Variants in SOX5 observed in about 807,000 individuals in gnomAD.
SOX5 encodes transcription factor SOX-5.
In SOX5, 9 loss-of-function variants were observed where a neutral mutation model predicts 92.0. The observed-to-expected ratio is 0.10, with a 90% CI of 0.06 to 0.17. SOX5 has a LOEUF of 0.17. Ranked by LOEUF, SOX5 falls within the 10% of genes least tolerant of loss-of-function variation. The probability of loss-of-function intolerance (pLI) is 1.00; values close to 1 mark genes in which losing one functional copy is unlikely to be tolerated. For missense variants in SOX5, 642 were observed against 944.5 expected, an observed-to-expected ratio of 0.68 and a Z score of 4.20; for synonymous variants, 344 against 336.3, an observed-to-expected ratio of 1.02 and a Z score of -0.25.
At position 23,731,129 on chromosome 12, in the gene SOX5, G is replaced by T. The variant is rs533147025; in HGVS notation, c.810+3555C>A. Among the ~76,000 whole-genome samples, 4 of 152,284 alleles carry T rather than the reference G, an allele frequency of 2.6e-5. No homozygotes were observed. In the South Asian group the frequency reaches 6.2e-4, roughly 24 times the overall value. ...TTCTGTCCTTAGACATCAACTTCAGGCCCCTCATCTTTGTACTCCAGGACT... is the reference window on the plus strand; with the variant it reads ...TTCTGTCCTTAGACATCAACTTCAGTCCCCTCATCTTTGTACTCCAGGACT... On this transcript the variant is annotated intron_variant, in intron 6 of 14. Coordinates refer to ENST00000451604, the MANE Select transcript of SOX5 (RefSeq NM_006940.6).
chr12:24,253,388 T>C (rs1045961733), intron 3 of SOX5, among the ~76,000 whole-genome samples: 11 of 152,056 alleles, frequency 7.2e-5, no homozygotes, highest in Non-Finnish European at 1.5e-4. Flanking sequence ...GGATCTTATC[T>C]AGAAAATGAA....
intron 4 of SOX5, among the ~76,000 whole-genome samples, chr12:24,088,016 A>G (rs1462678638): frequency 1.3e-5 from 2 of 152,060 alleles, no homozygotes; most frequent in Non-Finnish European, 2.9e-5. Flanking sequence ...GAAATGGGCC[A>G]AAAAGCAGGA....
chr12:23,817,155 A>C (rs1004140204), intron 3 of SOX5, among the ~76,000 whole-genome samples: 2 of 152,172 alleles, frequency 1.3e-5, no homozygotes, highest in African/African-American at 2.4e-5. Context: ...GGCTAAGCAT[A>C]TATGTTTTTA....
intron 4 of SOX5, among the ~76,000 whole-genome samples, chr12:24,009,803 G>T (rs866010515): frequency 6.6e-6 from 1 of 152,064 alleles, no homozygotes; most frequent in Non-Finnish European, 1.5e-5. Context: ...ATCTGTGCTT[G>T]GTCAAAATGG....
intron 2 of SOX5, among the ~76,000 whole-genome samples, chr12:24,303,884 A>G (rs1173276031): frequency 6.6e-6 from 1 of 152,192 alleles, no homozygotes; most frequent in Non-Finnish European, 1.5e-5. Context: ...AACTCAGAAA[A>G]TTCTGTCAAT....
At chr12:23,598,780 G>A (rs1952935339) in intron 9 of SOX5, among the ~76,000 whole-genome samples, 1 of 152,128 alleles carries the variant, frequency 6.6e-6, no homozygotes, top group African/African-American at 2.4e-5. Flanking sequence ...GTGGTAGGTA[G>A]ACTTGGTTGT....
At chr12:23,880,894 A>T (rs963478759) in intron 2 of SOX5, among the ~76,000 whole-genome samples, 1 of 152,210 alleles carries the variant, frequency 6.6e-6, no homozygotes, top group African/African-American at 2.4e-5. Context: ...CTGATATATA[A>T]ACATAACATT....
chr12:23,706,727 AT>A (rs2091436510), intron 6 of SOX5, among the ~76,000 whole-genome samples: 1 of 152,014 alleles, frequency 6.6e-6, no homozygotes, highest in South Asian at 2.1e-4. Context: ...CTTGTTAAAA[AT>A]TCTCTATTTT....
intron 4 of SOX5, among the ~76,000 whole-genome samples, chr12:24,103,942 G>C (rs2138018418): frequency 6.6e-6 from 1 of 152,304 alleles, no homozygotes; most frequent in Non-Finnish European, 1.5e-5. Context: ...ATTGCTAAGG[G>C]AAGTCTTAGA....
At chr12:24,407,337 T>C (rs1432575845) in intron 1 of SOX5, 2 of 152,142 alleles carry the variant, frequency 1.3e-5, no homozygotes, top group Non-Finnish European at 2.9e-5. Context: ...CTCGAGAACT[T>C]GGCATCTCAT....
intron 7 of SOX5, among the ~76,000 whole-genome samples, chr12:23,644,938 T>C (rs887275965): frequency 6.6e-6 from 1 of 152,214 alleles, no homozygotes; most frequent in Admixed American, 6.5e-5. Flanking sequence ...AGCAAAATTG[T>C]AGAGGCTGTG....
intron 6 of SOX5, among the ~76,000 whole-genome samples, chr12:23,705,494 C>G (rs571384002): frequency 6.6e-6 from 1 of 152,176 alleles, no homozygotes; most frequent in South Asian, 2.1e-4. Flanking sequence ...CACACATACA[C>G]ACACACACAT....
intron 1 of SOX5, among the ~76,000 whole-genome samples, chr12:23,900,814 G>C (rs2097222187): frequency 1.3e-5 from 2 of 152,020 alleles, no homozygotes; most frequent in Non-Finnish European, 2.9e-5. Context: ...CAAAAAATTA[G>C]CCGGGTGTGG....
intron 6 of SOX5, among the ~76,000 whole-genome samples, chr12:23,718,400 T>C (rs1322098351): frequency 6.6e-6 from 1 of 152,220 alleles, no homozygotes; most frequent in South Asian, 2.1e-4. Flanking sequence ...ACACTTCCTA[T>C]CTTAATCTTT....
chr12:24,016,693 C>T (rs1001767427), intron 4 of SOX5, among the ~76,000 whole-genome samples: 3 of 152,188 alleles, frequency 2.0e-5, no homozygotes, highest in Non-Finnish European at 2.9e-5. Flanking sequence ...AGTTTGGCGT[C>T]CGCCTTTTGG....
At chr12:24,313,957 A>T (rs932319099) in intron 2 of SOX5, among the ~76,000 whole-genome samples, 6 of 118,878 alleles carry the variant, frequency 5.0e-5, no homozygotes, top group Non-Finnish European at 2.0e-5. Context: ...TCCTCAAATC[A>T]TCTTTGATTC....
At chr12:24,510,471 C>G (rs184362595) in intron 1 of SOX5, among the ~76,000 whole-genome samples, 280 of 152,168 alleles carry the variant, frequency 1.8e-3, no homozygotes, top group African/African-American at 6.3e-3. Context: ...TAAGACAAAT[C>G]AAATTAAACA....
intron 4 of SOX5, among the ~76,000 whole-genome samples, chr12:23,968,488 T>G (rs1947846982): frequency 6.6e-6 from 1 of 152,080 alleles, no homozygotes; most frequent in Non-Finnish European, 1.5e-5. Flanking sequence ...ATCGTGGGAG[T>G]GGGTTTGTTA....
intron 3 of SOX5, among the ~76,000 whole-genome samples, chr12:24,256,099 G>A (rs1389471861): frequency 6.6e-6 from 1 of 152,192 alleles, no homozygotes; most frequent in Non-Finnish European, 1.5e-5. Flanking sequence ...CCCAATGACT[G>A]AGCTGCCAAA....
Sources: allele counts gnomAD v4.1 joint callset (sites outside exome capture counted in the v4.1 genomes callset), GRCh38; gene constraint gnomAD v4.1.1; transcripts MANE v1.5; gene names NCBI Gene and HGNC (gene_info 2026-07-23, HGNC 2026-07-21).